Variants in CEP128 observed in about 807,000 individuals in gnomAD.
The protein encoded by CEP128 is centrosomal protein 128.
In CEP128, 132 loss-of-function variants were observed where a neutral mutation model predicts 156.7. The observed-to-expected ratio is 0.84, with a 90% CI of 0.73 to 0.97. The LOEUF is 0.97. Among genes scored for constraint, CEP128 ranks in the 50% least tolerant of loss-of-function variants. The pLI is 0.00. For synonymous variants in CEP128, 469 were observed against 448.9 expected (o/e 1.04, Z -0.57); for missense variants, 1,252 against 1,281.9 (o/e 0.98, Z 0.36).
intron 19 of CEP128, among the ~76,000 whole-genome samples, chr14:80,702,833 A>C (rs928019203): frequency 1.3e-5 from 2 of 152,158 alleles, no homozygotes; most frequent in Non-Finnish European, 2.9e-5. Flanking sequence ...ATTAAGAGCT[A>C]CTTCATTATC....
intron 21 of CEP128, among the ~76,000 whole-genome samples, chr14:80,534,824 CAAAAAAAA>C (rs371773612): frequency 1.7e-5 from 1 of 60,134 alleles, no homozygotes; most frequent in Non-Finnish European, 3.0e-5. Context: ...GATTCCGTCT[CAAAAAAAA>C]AAAAAAAAAA....
intron 19 of CEP128, among the ~76,000 whole-genome samples, chr14:80,584,062 T>C (rs1192075131): frequency 2.6e-5 from 4 of 152,184 alleles, no homozygotes; most frequent in African/African-American, 9.6e-5. Context: ...TTCTTCATAC[T>C]GATTTAAAAA....
chr14:80,585,217 C>G (rs186221770), intron 19 of CEP128, among the ~76,000 whole-genome samples: 3 of 152,290 alleles, frequency 2.0e-5, no homozygotes, highest in Admixed American at 6.5e-5. Context: ...TGTTTTGTTT[C>G]TGCTTTACAT....
At chr14:80,756,839 T>C (rs981980545) in intron 18 of CEP128, 53 bp downstream of exon 18, 23 of 1,175,632 alleles carry the variant, frequency 2.0e-5, no homozygotes, top group Non-Finnish European at 2.9e-5. Context: ...CCAAATAGGA[T>C]GGCTTAAAGA....
At chr14:80,618,058 G>C (rs1351311027) in intron 19 of CEP128, among the ~76,000 whole-genome samples, 1 of 152,132 alleles carries the variant, frequency 6.6e-6, no homozygotes, top group Non-Finnish European at 1.5e-5. Flanking sequence ...CCTAAGACAT[G>C]GTAAGCATTC....
chr14:80,646,994 A>AATATATATATATAT (rs372341494), intron 19 of CEP128, among the ~76,000 whole-genome samples: 2 of 76,596 alleles, frequency 2.6e-5, no homozygotes, highest in African/African-American at 7.3e-5. Context: ...ATTTATAAGA[A>AATATATATATATAT]ATATATATAT....
At chr14:80,836,090 G>T in intron 12 of CEP128, 115 bp downstream of exon 12, 1 of 920,520 alleles carries the variant, frequency 1.1e-6, no homozygotes, top group Non-Finnish European at 1.7e-6. Context: ...TCAAGAAATA[G>T]TATGACGTGA....
In CEP128 at chr14:80,514,410, A is replaced by T. The variant is rs964306178; in HGVS notation, c.3073-9390T>A. Among the ~76,000 whole-genome samples the T allele has an allele frequency of 1.5e-3, 219 of 145,412 alleles. 1 individual carries two copies. The highest frequency in any genetic ancestry group is 5.2e-3 in the African/African-American group (206 of 39,916). On this transcript the variant is annotated intron_variant, in intron 23 of 24. Coordinates refer to ENST00000555265, the MANE Select transcript of CEP128 (RefSeq NM_152446.5). ...CTAGATCTTATAGGTGTACTTCATT[A>T]TTTTTTTTTTTGTCTCCTCTGACTG...
chr14:80,813,341 T>C (rs1216991459), intron 13 of CEP128, among the ~76,000 whole-genome samples: 1 of 152,172 alleles, frequency 6.6e-6, no homozygotes, highest in Non-Finnish European at 1.5e-5. Context: ...GTTTTTACAG[T>C]TTTACATTTT....
At chr14:80,679,904 ACT>A (rs1471666640) in intron 19 of CEP128, among the ~76,000 whole-genome samples, 6 of 151,962 alleles carry the variant, frequency 3.9e-5, no homozygotes, top group Non-Finnish European at 8.8e-5. Context: ...ATCTCTTTGT[ACT>A]CTTTCTCTTT....
intron 19 of CEP128, among the ~76,000 whole-genome samples, chr14:80,626,402 T>C (rs950371056): frequency 3.5e-5 from 5 of 143,056 alleles, no homozygotes; most frequent in Non-Finnish European, 7.5e-5. Flanking sequence ...AAGCGGAGCT[T>C]GCAGTGAGCC....
At position 80,763,482 on chromosome 14, in the gene CEP128, C is replaced by G. The variant is rs145729079; in HGVS notation, c.2377-1869G>C. On this transcript the variant is annotated intron_variant, in intron 16 of 24. Coordinates refer to ENST00000555265, the MANE Select transcript of CEP128 (RefSeq NM_152446.5). ...TTAGAAAGCAACATTATTACTAAGT[C>G]TCTAGGTGATATTTGCCTCCCTACT... 3.9e-4 allele frequency among the ~76,000 whole-genome samples: 59 copies of G among 152,266 alleles called. 2 individuals are homozygous for G. In the East Asian group the frequency reaches 9.3e-3, roughly 24 times the overall value.
chr14:80,701,727 T>C (rs1897081892), intron 19 of CEP128, among the ~76,000 whole-genome samples: 1 of 152,314 alleles, frequency 6.6e-6, no homozygotes, highest in East Asian at 1.9e-4. Flanking sequence ...AACATGGGAC[T>C]TCTATGTTTC....
chr14:80,700,991 T>C (rs917685630), intron 19 of CEP128, among the ~76,000 whole-genome samples: 3 of 152,016 alleles, frequency 2.0e-5, no homozygotes, highest in Non-Finnish European at 2.9e-5. Context: ...CAGAACAAGA[T>C]TGTTTGGCAT....
intron 13 of CEP128, chr14:80,822,817 C>T: frequency 1.4e-6 from 1 of 737,196 alleles, no homozygotes; most frequent in Non-Finnish European, 2.5e-6. Flanking sequence ...TTTTTGATAA[C>T]TGTGTAAACT....
At chr14:80,645,304 T>C (rs1414518979) in intron 19 of CEP128, among the ~76,000 whole-genome samples, 1 of 152,170 alleles carries the variant, frequency 6.6e-6, no homozygotes, top group Non-Finnish European at 1.5e-5. Flanking sequence ...TTACTGTTTA[T>C]ATTTGATGGA....
At chr14:80,817,073 C>T (rs1472666094) in intron 13 of CEP128, among the ~76,000 whole-genome samples, 3 of 151,730 alleles carry the variant, frequency 2.0e-5, no homozygotes, top group Non-Finnish European at 4.4e-5. Flanking sequence ...GATCAGGGAA[C>T]TAGACAATCA....
chr14:80,564,294 T>C (rs571331617), intron 20 of CEP128, among the ~76,000 whole-genome samples: 1 of 152,370 alleles, frequency 6.6e-6, no homozygotes, highest in South Asian at 2.1e-4. Flanking sequence ...GGAGCAGTGC[T>C]AATAGCTGTT....
intron 22 of CEP128, among the ~76,000 whole-genome samples, chr14:80,528,604 T>C (rs945624743): frequency 7.9e-5 from 12 of 152,142 alleles, no homozygotes; most frequent in African/African-American, 2.9e-4. Context: ...TCTTTCAAAA[T>C]AAATATGACC....
Sources: allele counts gnomAD v4.1 joint callset (sites outside exome capture counted in the v4.1 genomes callset), GRCh38; gene constraint gnomAD v4.1.1; transcripts MANE v1.5; gene names NCBI Gene and HGNC (gene_info 2026-07-23, HGNC 2026-07-21).